The following PROM1 variants were observed in gnomAD, a reference collection of about 807,000 sequenced individuals.
The protein encoded by PROM1 is prominin-1.
In PROM1, 105 loss-of-function variants were observed where a neutral mutation model predicts 116.9. That is an observed-to-expected ratio of 0.90 (90% CI 0.77 to 1.06). PROM1 has a LOEUF of 1.06. PROM1 is among the 50% of genes least tolerant of loss of function. The probability of loss-of-function intolerance (pLI) is 0.00; values close to 1 mark genes in which losing one functional copy is unlikely to be tolerated. For synonymous variants in PROM1, 393 were observed against 387.0 expected (o/e 1.02, Z -0.18); for missense variants, 1,122 against 1,045.2 (o/e 1.07, Z -1.01).
intron 5 of PROM1, among the ~76,000 whole-genome samples, chr4:16,031,711 A>G (rs74469759): frequency 0.015 from 2,250 of 152,266 alleles, 53 homozygotes; most frequent in African/African-American, 0.051. Context: ...CCACACCCCA[A>G]TGTCATGGAG....
Position 15,969,274 on chromosome 4 carries a change from C to T in PROM1, c.*119G>A, listed in dbSNP as rs894264071. The T allele has an allele frequency of 3.9e-5, 6 of 152,224 alleles. No homozygotes were observed. The highest frequency in any genetic ancestry group is 1.4e-4 in the African/African-American group (6 of 41,466). The allele number at this position is 152,224 out of a possible 1,614,324, so 9.4% of individuals were successfully genotyped here. A position where few individuals can be genotyped will look rare whatever the true frequency, so the allele number is the denominator to read the frequency against. ...GCCTTGGTGCCCGCCTGAGTCACTACGTTGCCACTGGCGTTGCTCCTGGAT... is the reference window on the plus strand; with the variant it reads ...GCCTTGGTGCCCGCCTGAGTCACTATGTTGCCACTGGCGTTGCTCCTGGAT... On this transcript the variant is annotated 3_prime_UTR_variant, in exon 28 of 28. Transcript: ENST00000447510.
At chr4:16,040,024 C>T (rs764840030) in intron 2 of PROM1, among the ~76,000 whole-genome samples, 6 of 152,056 alleles carry the variant, frequency 3.9e-5, no homozygotes, top group Non-Finnish European at 8.8e-5. Context: ...GGTGCCTTCC[C>T]GCCACCTGTA....
intron 13 of PROM1, among the ~76,000 whole-genome samples, chr4:16,004,862 T>TTCCTTCCTTC (rs1453269908): frequency 2.0e-4 from 28 of 138,432 alleles, no homozygotes; most frequent in South Asian, 7.2e-4. Context: ...CCTTCCTTCC[T>TTCCTTCCTTC]CTCTCTCTCC....
chr4:15,978,528 T>C (rs1272656025), intron 26 of PROM1, among the ~76,000 whole-genome samples: 1 of 152,236 alleles, frequency 6.6e-6, no homozygotes, highest in Non-Finnish European at 1.5e-5. Flanking sequence ...AGCTGTGGGC[T>C]TACCTGAATG....
chr4:16,006,547 A>G lies in PROM1; in HGVS notation c.1445T>C (p.Phe482Ser). The change falls in exon 13 of 28, where the codon TTC becomes TCC. Residue 482 changes from phenylalanine to serine, a missense_variant. Coordinates refer to ENST00000447510, the MANE Select transcript of PROM1 (RefSeq NM_006017.3). ...AGGAGCAGACACTCACACCATGAGG[A>G]AGACGCCTCCGGTGTTGGAGACACA... ...RGCVSNTGGV[F>S]LMVGVGLSFL... The G allele has an allele frequency of 2.5e-6, 4 of 1,591,692 alleles. No homozygotes were observed. Among genetic ancestry groups the G allele is most frequent in the Non-Finnish European group, 3.4e-6 (4 of 1,169,630 alleles).
At position 15,968,571 on chromosome 4, in the gene PROM1, G is replaced by A. The variant is rs1398159345; in HGVS notation, c.*822C>T. ...TCATGTTAGCTGCACTCCAATTAAT[G>A]TTTATCGTAATGCAACAGAAAACTC... is the stretch of plus-strand genomic sequence containing the variant. On this transcript the variant is annotated 3_prime_UTR_variant, in exon 28 of 28. Transcript: ENST00000447510. The A allele has an allele frequency of 6.6e-6, 1 of 152,196 alleles. No homozygotes were observed. Among genetic ancestry groups the A allele is most frequent in the Non-Finnish European group, 1.5e-5 (1 of 68,030 alleles). The allele number at this position is 152,196 out of a possible 1,614,324, so 9.4% of individuals were successfully genotyped here.
At chr4:16,016,355 A>G (rs1728394969) in intron 9 of PROM1, 115 bp from the exon 10 acceptor site, 1 of 789,042 alleles carries the variant, frequency 1.3e-6, no homozygotes, top group African/African-American at 1.8e-5. Flanking sequence ...TACAGGGTAC[A>G]ATCGCAGTTT....
intron 15 of PROM1, among the ~76,000 whole-genome samples, chr4:15,997,223 T>C (rs1486124020): frequency 2.0e-5 from 3 of 150,632 alleles, no homozygotes; most frequent in Admixed American, 6.6e-5. Flanking sequence ...ATGAAACATA[T>C]ATATATATAT....
intron 2 of PROM1, among the ~76,000 whole-genome samples, chr4:16,063,889 G>A (rs1740913097): frequency 6.6e-6 from 1 of 152,172 alleles, no homozygotes; most frequent in South Asian, 2.1e-4. Context: ...TAGGAGGAGT[G>A]AATAGAGGTA....
At chr4:16,040,946 T>C (rs2149419652) in intron 2 of PROM1, among the ~76,000 whole-genome samples, 1 of 152,320 alleles carries the variant, frequency 6.6e-6, no homozygotes, top group African/African-American at 2.4e-5. Flanking sequence ...TTTGGATTTC[T>C]TCTGGGGAAC....
intron 15 of PROM1, among the ~76,000 whole-genome samples, chr4:15,995,949 G>T (rs767686914): frequency 1.6e-4 from 25 of 152,146 alleles, no homozygotes; most frequent in Non-Finnish European, 1.6e-4. Context: ...AATATCTCAG[G>T]TATACCGTTA....
In PROM1 at chr4:16,026,338, T is replaced by C. The variant is rs564869718; in HGVS notation, c.510-1026A>G. Among the ~76,000 whole-genome samples the C allele has an allele frequency of 1.3e-3, 202 of 152,080 alleles. 1 individual carries two copies. Among genetic ancestry groups the C allele is most frequent in the Non-Finnish European group, 2.1e-3 (143 of 68,016 alleles). On this transcript the variant is annotated intron_variant, in intron 5 of 27. Transcript: ENST00000447510. ...CATTAGAAGGTGCTAATTGCCAAGGTTCTGTTGAATTTGGCCACTAGATGG... is the reference window on the plus strand; with the variant it reads ...CATTAGAAGGTGCTAATTGCCAAGGCTCTGTTGAATTTGGCCACTAGATGG...
intron 2 of PROM1, 63 bp downstream of exon 2, chr4:16,075,623 TA>T: frequency 1.4e-6 from 2 of 1,449,062 alleles, no homozygotes; most frequent in Non-Finnish European, 1.9e-6. Flanking sequence ...GCATTGACAT[TA>T]AAAAACAATA....
chr4:16,005,883 G>A (rs1725349579), intron 13 of PROM1, among the ~76,000 whole-genome samples: 1 of 152,196 alleles, frequency 6.6e-6, no homozygotes, highest in Non-Finnish European at 1.5e-5. Flanking sequence ...GGTTGCACCT[G>A]GCTCATGCCT....
At chr4:15,978,854 G>C (rs1005844679) in intron 26 of PROM1, among the ~76,000 whole-genome samples, 21 of 152,154 alleles carry the variant, frequency 1.4e-4, no homozygotes, top group African/African-American at 5.1e-4. Flanking sequence ...GCAAAGCTCA[G>C]AGTTACCTGA....
intron 20 of PROM1, among the ~76,000 whole-genome samples, chr4:15,987,000 C>T (rs952673795): frequency 3.3e-5 from 5 of 152,236 alleles, no homozygotes; most frequent in African/African-American, 1.2e-4. Flanking sequence ...TTGCAGCCCA[C>T]ACATGGCCCC....
At position 16,000,711 on chromosome 4, in the gene PROM1, G is replaced by C; in HGVS notation, c.1455-92C>G. 3 of 1,104,938 alleles carry C rather than the reference G, an allele frequency of 2.7e-6. No homozygotes were observed. In the South Asian group the frequency reaches 6.4e-5, roughly 24 times the overall value. 68.4% of individuals were successfully genotyped at this position (1,104,938 alleles called of 1,614,324 possible). A position where few individuals can be genotyped will look rare whatever the true frequency, so the allele number is the denominator to read the frequency against. ...AAATCTACCTATACTCTATAAAATAGCCCTGGGGTCTTCAGTGTTATTCAG... is the reference window on the plus strand; with the variant it reads ...AAATCTACCTATACTCTATAAAATACCCCTGGGGTCTTCAGTGTTATTCAG... On this transcript the variant is annotated intron_variant, in intron 13 of 27. Coordinates refer to ENST00000447510, the MANE Select transcript of PROM1 (RefSeq NM_006017.3).
At chr4:16,017,871 A>G (rs941596043) in intron 9 of PROM1, among the ~76,000 whole-genome samples, 2 of 152,246 alleles carry the variant, frequency 1.3e-5, no homozygotes, top group African/African-American at 4.8e-5. Context: ...GACATCATTA[A>G]TAGACATGGT....
At chr4:15,990,956 C>A (rs1217929686) in intron 18 of PROM1, among the ~76,000 whole-genome samples, 4 of 152,276 alleles carry the variant, frequency 2.6e-5, no homozygotes, top group African/African-American at 4.8e-5. Flanking sequence ...AGTCTCTGAG[C>A]TGTAACCCTG....
Sources: allele counts gnomAD v4.1 joint callset (sites outside exome capture counted in the v4.1 genomes callset), GRCh38; gene constraint gnomAD v4.1.1; transcripts MANE v1.5; gene names NCBI Gene and HGNC (gene_info 2026-07-23, HGNC 2026-07-21).